Variants in IL3RA observed in about 807,000 individuals in gnomAD.
IL3RA encodes the protein interleukin 3 receptor subunit alpha, also known as interleukin-3 receptor subunit alpha.
In IL3RA, 73 loss-of-function variants were observed where a neutral mutation model predicts 52.3. That is an observed-to-expected ratio of 1.40 (90% CI 1.16 to 1.70). The LOEUF (loss-of-function observed/expected upper bound fraction) is 1.70. Among genes scored for constraint, IL3RA ranks in the 40% most tolerant of loss-of-function variants. IL3RA has a pLI of 0.00. For missense variants in IL3RA, 664 were observed against 504.4 expected, an observed-to-expected ratio of 1.32 and a Z score of -3.03; for synonymous variants, 260 against 194.0, an observed-to-expected ratio of 1.34 and a Z score of -2.83.
chrX:1,351,070 G>A (rs2086062486), intron 4 of IL3RA, among the ~76,000 whole-genome samples: 1 of 151,896 alleles, frequency 6.6e-6, no homozygotes, highest in Non-Finnish European at 1.5e-5. Flanking sequence ...AGCTGGGTGT[G>A]GTAGTGGGTG....
rs755174356 is a variant in IL3RA at position 1,378,586 on chromosome X, C to G, written c.875-73C>G. 157 of 1,325,556 alleles carry G rather than the reference C, an allele frequency of 1.2e-4. No individual in the cohort carries two copies. In the East Asian group the frequency reaches 2.6e-3, roughly 22 times the overall value. The allele number at this position is 1,325,556 out of a possible 1,614,324, so 82.1% of individuals were successfully genotyped here. On this transcript the variant is annotated intron_variant, in intron 9 of 11. Coordinates refer to ENST00000331035, the MANE Select transcript of IL3RA (RefSeq NM_002183.4). ...GCCACCTCTCTGCTTCCCAGGGCCC[C>G]GGGGAGAGCTTACAGTCCCTGGTCC...
In IL3RA at chrX:1,352,354, A is replaced by G; in HGVS notation, c.464A>G (p.Lys155Arg). ...RRQQYECLHYKTDAQGTRIGC... is the reference protein window; with the variant it reads ...RRQQYECLHYRTDAQGTRIGC... ...CAACAGTACGAGTGTCTTCACTACA[A>G]AACGGATGCTCAGGGAACACGTATC... Residue 155 changes from lysine to arginine, a missense_variant, in exon 6 of 12, where the codon AAA (lysine) becomes AGA (arginine). Physicochemically the swap from Lys to Arg is conservative, Grantham distance 26. Transcript: ENST00000331035. The G allele has an allele frequency of 6.2e-7, 1 of 1,613,844 alleles. No individual in the cohort carries two copies.
rs866843488 is a variant in IL3RA, at chrX:1,365,337, C to T, written c.874+85C>T. ...CGGGGTGCGCGGGGTGAGCGGGGTG[C>T]GCGGGGTGAGCGGGGTGAGCGGGGT... is the stretch of plus-strand genomic sequence containing the variant. On this transcript the variant is annotated intron_variant, in intron 9 of 11. Coordinates refer to ENST00000331035, the MANE Select transcript of IL3RA (RefSeq NM_002183.4). 95 of 406,506 alleles carry T rather than the reference C, an allele frequency of 2.3e-4. 2 individuals carry two copies. In the East Asian group the frequency reaches 3.3e-3, roughly 14 times the overall value. The allele number at this position is 406,506 out of a possible 1,614,324, so 25.2% of individuals were successfully genotyped here. A position where few individuals can be genotyped will look rare whatever the true frequency, so the allele number is the denominator to read the frequency against.
intron 3 of IL3RA, among the ~76,000 whole-genome samples, chrX:1,347,931 G>A (rs1205297996): frequency 1.3e-5 from 2 of 151,316 alleles, no homozygotes; most frequent in Non-Finnish European, 2.9e-5. Flanking sequence ...CAGCTACTTG[G>A]GAGGATGAGG....
At chrX:1,344,008 A>C (rs1487134183) in intron 2 of IL3RA, among the ~76,000 whole-genome samples, 6 of 151,836 alleles carry the variant, frequency 4.0e-5, no homozygotes, top group Non-Finnish European at 5.9e-5. Flanking sequence ...GTTAGCCAGG[A>C]TGGTCTTGAT....
intron 1 of IL3RA, among the ~76,000 whole-genome samples, 157 bp downstream of exon 1, chrX:1,337,083 A>G (rs1192106465): frequency 7.9e-5 from 12 of 152,230 alleles, no homozygotes; most frequent in African/African-American, 2.4e-4. Flanking sequence ...CACACCACAC[A>G]TAGAATGACC....
intron 8 of IL3RA, 121 bp from the exon 9 acceptor site, chrX:1,365,017 C>G (rs1254482766): frequency 3.1e-6 from 2 of 636,356 alleles, no homozygotes; most frequent in South Asian, 1.8e-5. Flanking sequence ...CCATGTTGGC[C>G]AGGCTGGTCT....
At chrX:1,348,096 C>T (rs1468876135) in intron 3 of IL3RA, among the ~76,000 whole-genome samples, 1 of 150,318 alleles carries the variant, frequency 6.7e-6, no homozygotes, top group African/African-American at 2.5e-5. Flanking sequence ...CCTGTAATCC[C>T]AGCACTTTGG....
intron 9 of IL3RA, 125 bp from the exon 10 acceptor site, chrX:1,378,534 C>A (rs1398530420): frequency 5.2e-6 from 4 of 776,256 alleles, no homozygotes; most frequent in Non-Finnish European, 8.7e-6. Flanking sequence ...CTGGGGTGTC[C>A]CCCCCTGGAC....
At chrX:1,356,533 G>A (rs1225292701) in intron 7 of IL3RA, among the ~76,000 whole-genome samples, 197 bp downstream of exon 7, 1 of 152,170 alleles carries the variant, frequency 6.6e-6, no homozygotes, top group Non-Finnish European at 1.5e-5. Flanking sequence ...ACTTTGGGAG[G>A]CTGAGGCAGG....
intron 6 of IL3RA, among the ~76,000 whole-genome samples, chrX:1,355,592 G>A (rs2086647865): frequency 6.6e-6 from 1 of 151,214 alleles, no homozygotes; most frequent in African/African-American, 2.4e-5. Context: ...GGAAGTGCCT[G>A]GGGTTCCCGG....
At chrX:1,337,887 T>C (rs6647013) in intron 1 of IL3RA, among the ~76,000 whole-genome samples, 18 of 143,920 alleles carry the variant, frequency 1.3e-4, no homozygotes, top group South Asian at 2.2e-4. Context: ...CATCTATAGA[T>C]GAATGGAGAA....
In IL3RA at chrX:1,378,670, G is replaced by A; in HGVS notation, c.886G>A (p.Glu296Lys). 6.2e-7 allele frequency: 1 copy of A among 1,612,412 alleles called. No homozygotes were observed. The highest frequency in any genetic ancestry group is 8.5e-7 in the Non-Finnish European group (1 of 1,179,704). ...CCCTTTACCCCTAGAGTGCGACCAGGAGGAGGGCGCAAACACACGTGCCTG... is the reference window on the plus strand; with the variant it reads ...CCCTTTACCCCTAGAGTGCGACCAGAAGGAGGGCGCAAACACACGTGCCTG... ...STPQRFECDQ[E>K]EGANTRAWRT... The change falls in exon 10 of 12, where the codon GAG (glutamate) becomes AAG (lysine). Residue 296 changes from glutamate (E) to lysine (K), a missense_variant. Physicochemically the swap from Glu to Lys is moderately conservative, Grantham distance 56 (BLOSUM62 1). Transcript: ENST00000331035.
chrX:1,342,858 C>G (rs1377672449), intron 2 of IL3RA, among the ~76,000 whole-genome samples: 1 of 151,352 alleles, frequency 6.6e-6, no homozygotes, highest in Non-Finnish European at 1.5e-5. Flanking sequence ...TGGACGATCA[C>G]AAGGTCAGGA....
intron 3 of IL3RA, 28 bp downstream of exon 3, chrX:1,345,462 ATTT>A (rs2085700890): frequency 8.8e-6 from 12 of 1,361,976 alleles, no homozygotes; most frequent in Non-Finnish European, 1.2e-5. Flanking sequence ...TTGTTTTTTT[ATTT>A]TTATTTTATT....
At chrX:1,351,539 G>C (rs1337979023) in intron 4 of IL3RA, among the ~76,000 whole-genome samples, 6 of 151,256 alleles carry the variant, frequency 4.0e-5, no homozygotes, top group Non-Finnish European at 8.8e-5. Flanking sequence ...ATGTTAGCCA[G>C]GCCGGTCTCG....
chrX:1,381,863 T>C (rs1314597740), intron 11 of IL3RA, among the ~76,000 whole-genome samples: 4 of 151,162 alleles, frequency 2.6e-5, no homozygotes, highest in African/African-American at 9.7e-5. Context: ...AAGTTTTTAG[T>C]GATACCTGTG....
In IL3RA at chrX:1,337,750, A is replaced by G. The variant is rs28439347; in HGVS notation, c.-39+824A>G. ...TAGCCAAGAGGTGGAGACAGCCCTCATACCCATCTATAGACGAATGGATAA... is the reference window on the plus strand; with the variant it reads ...TAGCCAAGAGGTGGAGACAGCCCTCGTACCCATCTATAGACGAATGGATAA... On this transcript the variant is annotated intron_variant, in intron 1 of 11. Transcript: ENST00000331035. 3.0e-3 allele frequency among the ~76,000 whole-genome samples: 428 copies of G among 141,626 alleles called. 7 individuals carry two copies. The highest frequency in any genetic ancestry group is 0.012 in the Middle Eastern group (3 of 252). 92.9% of individuals were successfully genotyped at this position (141,626 alleles called of 152,430 possible).
chrX:1,357,287 T>G (rs1288465872), intron 7 of IL3RA, among the ~76,000 whole-genome samples: 1 of 151,620 alleles, frequency 6.6e-6, no homozygotes, highest in Non-Finnish European at 1.5e-5. Context: ...TTTATTTTAT[T>G]GTATTTTATT....
Sources: gnomAD v4.1 joint callset for allele counts (sites outside exome capture counted in the v4.1 genomes callset) on GRCh38, gnomAD v4.1.1 for gene constraint, MANE v1.5 for transcripts, NCBI Gene and HGNC (gene_info 2026-07-23, HGNC 2026-07-21) for gene names.